Variants in MORC1 observed in about 807,000 individuals in gnomAD.
MORC1 encodes the protein MORC family CW-type zinc finger protein 1.
Under a neutral mutation model 134.9 loss-of-function variants are expected in MORC1, and 59 were observed. That is an observed-to-expected ratio of 0.44 (90% CI 0.35 to 0.54). MORC1 has a LOEUF of 0.54. MORC1 is among the 20% of genes least tolerant of loss of function. MORC1 has a pLI of 0.00. For missense variants in MORC1, 947 were observed against 1,134.5 expected (o/e 0.83, Z 2.37); for synonymous variants, 395 against 391.7 (o/e 1.01, Z -0.10).
intron 26 of MORC1, among the ~76,000 whole-genome samples, chr3:108,968,749 T>G (rs1297698943): frequency 7.8e-6 from 1 of 127,606 alleles, no homozygotes; most frequent in Non-Finnish European, 1.8e-5. Flanking sequence ...AAGATGCTAA[T>G]GGATGCACTA....
intron 1 of MORC1, among the ~76,000 whole-genome samples, chr3:109,114,922 T>C (rs1245257925): frequency 6.6e-6 from 1 of 152,252 alleles, no homozygotes; most frequent in Non-Finnish European, 1.5e-5. Flanking sequence ...TTCTGCAGAA[T>C]CTTTCCACCG....
intron 13 of MORC1, among the ~76,000 whole-genome samples, chr3:109,055,539 C>A (rs72935364): frequency 6.6e-6 from 1 of 152,200 alleles, no homozygotes; most frequent in African/African-American, 2.4e-5. Flanking sequence ...CCTTGCTTTC[C>A]TTTCACTATT....
At chr3:109,090,285 C>A (rs1950690452) in intron 8 of MORC1, among the ~76,000 whole-genome samples, 1 of 151,844 alleles carries the variant, frequency 6.6e-6, no homozygotes, top group Non-Finnish European at 1.5e-5. Flanking sequence ...TGCCTCAGCC[C>A]AAAGCAGAAT....
At chr3:109,034,694 T>C (rs1298074370) in intron 15 of MORC1, among the ~76,000 whole-genome samples, 1 of 152,188 alleles carries the variant, frequency 6.6e-6, no homozygotes, top group Non-Finnish European at 1.5e-5. Context: ...GTACACCTGA[T>C]ATTAATTCAC....
intron 20 of MORC1, among the ~76,000 whole-genome samples, chr3:109,003,020 G>T (rs1409402783): frequency 6.6e-6 from 1 of 151,930 alleles, no homozygotes; most frequent in Non-Finnish European, 1.5e-5. Context: ...ATCCTAAAAG[G>T]CTAGTTACCA....
chr3:108,993,480 C>A (rs867854866), intron 21 of MORC1, among the ~76,000 whole-genome samples: 28 of 152,268 alleles, frequency 1.8e-4, no homozygotes, highest in African/African-American at 6.0e-4. Flanking sequence ...GCCCTTAGGG[C>A]AGCTCTGGTT....
At chr3:109,081,909 G>A (rs1263849103) in intron 8 of MORC1, among the ~76,000 whole-genome samples, 7 of 152,144 alleles carry the variant, frequency 4.6e-5, no homozygotes, top group Non-Finnish European at 4.4e-5. Context: ...CCCAGCAGGA[G>A]ATCTGTCCCT....
intron 21 of MORC1, among the ~76,000 whole-genome samples, chr3:108,997,511 A>G (rs1052404864): frequency 3.9e-5 from 6 of 152,224 alleles, no homozygotes; most frequent in African/African-American, 1.2e-4. Flanking sequence ...CTGTCTCAAA[A>G]AAATTTAAAA....
intron 6 of MORC1, among the ~76,000 whole-genome samples, chr3:109,097,300 T>C (rs1409685702): frequency 2.0e-5 from 3 of 152,176 alleles, no homozygotes; most frequent in African/African-American, 7.2e-5. Context: ...TTCGAAATCC[T>C]GAAAGAAAAT....
At chr3:108,966,941 C>T (rs1947236785) in intron 26 of MORC1, among the ~76,000 whole-genome samples, 2 of 152,174 alleles carry the variant, frequency 1.3e-5, no homozygotes, top group South Asian at 4.1e-4. Context: ...TATTATGAAT[C>T]ATCTACTACT....
At chr3:108,968,610 T>C (rs897600968) in intron 26 of MORC1, among the ~76,000 whole-genome samples, 8 of 152,204 alleles carry the variant, frequency 5.3e-5, no homozygotes, top group African/African-American at 1.7e-4. Context: ...ATAAAAACTA[T>C]GAGGCAGTGT....
At chr3:108,960,501 A>C (rs1361686776) in intron 27 of MORC1, among the ~76,000 whole-genome samples, 1 of 152,198 alleles carries the variant, frequency 6.6e-6, no homozygotes, top group Non-Finnish European at 1.5e-5. Context: ...TCAAAGCAAC[A>C]GTGGTCGGTC....
At chr3:108,996,424 T>C (rs1948229002) in intron 21 of MORC1, among the ~76,000 whole-genome samples, 1 of 151,962 alleles carries the variant, frequency 6.6e-6, no homozygotes, top group South Asian at 2.1e-4. Context: ...TTATGAAAAA[T>C]AAGAAGTTTG....
intron 17 of MORC1, among the ~76,000 whole-genome samples, chr3:109,021,790 A>G (rs542507683): frequency 6.6e-6 from 1 of 152,340 alleles, no homozygotes; most frequent in Non-Finnish European, 1.5e-5. Context: ...AGGATGAGTA[A>G]GAAAATAATT....
At chr3:108,959,174 C>T (rs1254708805) in intron 27 of MORC1, 54 bp from the exon 28 acceptor site, 6 of 1,473,934 alleles carry the variant, frequency 4.1e-6, no homozygotes, top group African/African-American at 1.5e-5. Context: ...GAGCTTATTC[C>T]TGTAATTTGG....
At chr3:108,977,196 G>A (rs190307513) in intron 24 of MORC1, among the ~76,000 whole-genome samples, 1 of 152,154 alleles carries the variant, frequency 6.6e-6, no homozygotes, top group African/African-American at 2.4e-5. Flanking sequence ...TTGTGTAATT[G>A]TCCATGAGAC....
chr3:109,019,783 C>T (rs1948912112), intron 17 of MORC1, among the ~76,000 whole-genome samples: 1 of 152,156 alleles, frequency 6.6e-6, no homozygotes. Flanking sequence ...ATCATTTCAC[C>T]CCTCCATTCA....
intron 18 of MORC1, among the ~76,000 whole-genome samples, chr3:109,006,689 C>A (rs1948547716): frequency 1.3e-5 from 2 of 151,876 alleles, no homozygotes; most frequent in Non-Finnish European, 2.9e-5. Context: ...GATATAGGAA[C>A]TATATATACA....
chr3:109,041,112 C>A (rs1182571778), intron 14 of MORC1, among the ~76,000 whole-genome samples: 1 of 150,906 alleles, frequency 6.6e-6, no homozygotes, highest in East Asian at 2.0e-4. Flanking sequence ...GAGATCAAGA[C>A]CATCCTGGCC....
Sources: allele counts gnomAD v4.1 joint callset (sites outside exome capture counted in the v4.1 genomes callset), GRCh38; gene constraint gnomAD v4.1.1; transcripts MANE v1.5; gene names NCBI Gene and HGNC (gene_info 2026-07-23, HGNC 2026-07-21).